The following SGCZ variants were observed in gnomAD, a reference collection of about 807,000 sequenced individuals.
SGCZ encodes sarcoglycan zeta.
SGCZ carries 40 observed loss-of-function variants against 41.3 expected under a neutral mutation model. The ratio of observed to expected loss-of-function variants is 0.97; its 90% CI spans 0.75 to 1.26. The LOEUF (loss-of-function observed/expected upper bound fraction) is 1.26, where lower values mean the gene tolerates loss of function less well. SGCZ is among the 50% of genes most tolerant of loss of function. The pLI is 0.00. For missense variants in SGCZ, 552 were observed against 369.8 expected, an observed-to-expected ratio of 1.49 and a Z score of -4.04; for synonymous variants, 206 against 137.5, an observed-to-expected ratio of 1.50 and a Z score of -3.49.
At position 14,660,568 on chromosome 8, in the gene SGCZ, T is replaced by A. The variant is rs1319999263; in HGVS notation, c.40-105642A>T. On this transcript the variant is annotated intron_variant, in intron 1 of 7. Coordinates refer to ENST00000382080, the MANE Select transcript of SGCZ (RefSeq NM_139167.4). ...CCTGGGCAACAGAGCAAAAACTCCA[T>A]CTCAAAAAAAAAAAAAAAAAAAGAG... 4.0e-3 allele frequency among the ~76,000 whole-genome samples: 217 copies of A among 54,726 alleles called. 1 individual carries two copies. The South Asian group carries it at 0.04, about 10-fold the overall frequency. The allele number at this position is 54,726 out of a possible 152,430, so 35.9% of individuals were successfully genotyped here.
intron 2 of SGCZ, among the ~76,000 whole-genome samples, chr8:14,484,109 T>C (rs1426148713): frequency 2.6e-5 from 4 of 152,192 alleles, no homozygotes; most frequent in Non-Finnish European, 5.9e-5. Context: ...ATTGAAACAA[T>C]TCAATTATTA....
At chr8:14,288,611 T>A (rs185631633) in intron 3 of SGCZ, among the ~76,000 whole-genome samples, 2 of 152,206 alleles carry the variant, frequency 1.3e-5, no homozygotes, top group South Asian at 4.1e-4. Context: ...TATTATGTAA[T>A]AGTATTTCAA....
intron 1 of SGCZ, among the ~76,000 whole-genome samples, chr8:14,660,195 C>G (rs1397448306): frequency 6.6e-6 from 1 of 152,036 alleles, no homozygotes; most frequent in Non-Finnish European, 1.5e-5. Flanking sequence ...GCAGCAGAGA[C>G]CTAACATTTT....
intron 1 of SGCZ, among the ~76,000 whole-genome samples, chr8:14,564,019 A>G (rs1441281594): frequency 6.6e-6 from 1 of 152,214 alleles, no homozygotes; most frequent in Non-Finnish European, 1.5e-5. Context: ...ATTCCTTAAA[A>G]TTAAAATATA....
At chr8:14,275,087 C>T (rs1166669327) in intron 3 of SGCZ, among the ~76,000 whole-genome samples, 2 of 152,146 alleles carry the variant, frequency 1.3e-5, no homozygotes, top group Non-Finnish European at 2.9e-5. Context: ...TGTAGGAATA[C>T]AGAACACAAG....
intron 4 of SGCZ, among the ~76,000 whole-genome samples, chr8:14,169,346 A>C (rs1804303885): frequency 6.6e-6 from 1 of 152,100 alleles, no homozygotes; most frequent in African/African-American, 2.4e-5. Context: ...AAAGCATCTT[A>C]TTGAACACCA....
chr8:14,769,485 T>G (rs1052047554), intron 1 of SGCZ, among the ~76,000 whole-genome samples: 10 of 151,232 alleles, frequency 6.6e-5, no homozygotes, highest in Non-Finnish European at 1.5e-4. Flanking sequence ...AAGGAAGGAG[T>G]GGTCTTTTAA....
intron 1 of SGCZ, among the ~76,000 whole-genome samples, chr8:14,969,104 C>A (rs903450172): frequency 2.6e-5 from 4 of 152,100 alleles, no homozygotes; most frequent in Non-Finnish European, 5.9e-5. Flanking sequence ...CCAATTAACA[C>A]CGCACTCTCA....
chr8:14,321,889 C>T (rs186999822), intron 3 of SGCZ, among the ~76,000 whole-genome samples: 5 of 152,126 alleles, frequency 3.3e-5, no homozygotes. Context: ...TCTTCCTTAA[C>T]CTAAGAGTTA....
intron 1 of SGCZ, among the ~76,000 whole-genome samples, chr8:15,175,681 A>G (rs1799976051): frequency 6.6e-6 from 1 of 152,176 alleles, no homozygotes; most frequent in Non-Finnish European, 1.5e-5. Flanking sequence ...CTGCACATGT[A>G]CCCCTAAACC....
chr8:14,179,294 A>G (rs1337973858), intron 4 of SGCZ, among the ~76,000 whole-genome samples: 2 of 152,224 alleles, frequency 1.3e-5, no homozygotes, highest in African/African-American at 4.8e-5. Context: ...GCCGTATCCA[A>G]TATTGCTCAA....
chr8:15,026,922 A>C (rs1213128626), intron 1 of SGCZ, among the ~76,000 whole-genome samples: 1 of 152,200 alleles, frequency 6.6e-6, no homozygotes, highest in African/African-American at 2.4e-5. Flanking sequence ...CTCAGCAATC[A>C]CCAATTGTGC....
At chr8:14,435,813 A>G (rs1251319510) in intron 2 of SGCZ, among the ~76,000 whole-genome samples, 1 of 152,234 alleles carries the variant, frequency 6.6e-6, no homozygotes, top group Non-Finnish European at 1.5e-5. Flanking sequence ...ATACTCAATC[A>G]TCGTATTTAT....
At chr8:14,230,433 G>A (rs971635408) in intron 4 of SGCZ, among the ~76,000 whole-genome samples, 2 of 152,018 alleles carry the variant, frequency 1.3e-5, no homozygotes, top group Non-Finnish European at 2.9e-5. Flanking sequence ...TACTATATGA[G>A]GCAAATACTC....
chr8:14,512,273 G>T (rs2054359), intron 2 of SGCZ, among the ~76,000 whole-genome samples: 8,652 of 152,124 alleles, frequency 0.057, 323 homozygotes, highest in African/African-American at 0.1. Flanking sequence ...GATTAATAAT[G>T]CAAATATAAG....
intron 5 of SGCZ, among the ~76,000 whole-genome samples, chr8:14,139,376 A>T (rs1309127492): frequency 6.6e-6 from 1 of 151,072 alleles, no homozygotes; most frequent in Non-Finnish European, 1.5e-5. Context: ...ACACACAAAA[A>T]ACCCTTCAAA....
At chr8:14,238,796 G>A (rs1198704528) in intron 3 of SGCZ, among the ~76,000 whole-genome samples, 1 of 151,946 alleles carries the variant, frequency 6.6e-6, no homozygotes, top group Non-Finnish European at 1.5e-5. Flanking sequence ...TTGCCCTCTT[G>A]GTGCTTGCAT....
intron 3 of SGCZ, among the ~76,000 whole-genome samples, chr8:14,297,424 A>G (rs1257718977): frequency 1.3e-5 from 2 of 151,992 alleles, no homozygotes; most frequent in Admixed American, 6.6e-5. Flanking sequence ...AAATTCCTGA[A>G]AGACATAATT....
At chr8:15,021,191 T>C (rs1803236229) in intron 1 of SGCZ, among the ~76,000 whole-genome samples, 1 of 152,194 alleles carries the variant, frequency 6.6e-6, no homozygotes, top group Non-Finnish European at 1.5e-5. Context: ...ATCTAATAGA[T>C]TTAGAACTGG....
Sources: allele counts gnomAD v4.1 joint callset (sites outside exome capture counted in the v4.1 genomes callset), GRCh38; gene constraint gnomAD v4.1.1; transcripts MANE v1.5; gene names NCBI Gene and HGNC (gene_info 2026-07-23, HGNC 2026-07-21).